PLEKHA1: variants seen among roughly 807,000 people sequenced by gnomAD.
PLEKHA1 encodes the protein pleckstrin homology domain containing A1.
A neutral mutation model predicts 52.0 loss-of-function variants in PLEKHA1; 34 were observed. The ratio of observed to expected loss-of-function variants is 0.65; its 90% confidence interval spans 0.50 to 0.87. The LOEUF is 0.87. Among genes scored for constraint, PLEKHA1 ranks in the 40% least tolerant of loss-of-function variants. PLEKHA1 has a pLI of 0.00. For missense variants in PLEKHA1, 497 were observed against 504.2 expected (o/e 0.99, Z 0.14); for synonymous variants, 163 against 170.7 (o/e 0.95, Z 0.35).
At chr10:122,416,047 G>C (rs201401419) in intron 7 of PLEKHA1, 45 bp downstream of exon 7, 1 of 1,535,222 alleles carries the variant, frequency 6.5e-7, no homozygotes, top group Non-Finnish European at 8.8e-7. Flanking sequence ...AAAGGATTAC[G>C]TTCTAGCAAA....
chr10:122,380,990 A>G lies in PLEKHA1; in HGVS notation c.-21+6184A>G, dbSNP rs541956040. ...CACTCCCAAGCATGTGACCTTGAGC[A>G]AGTGCCTTATTAGTTTTCTCATCTG... On this transcript the variant is annotated intron_variant, in intron 1 of 11. Transcript: ENST00000368990. Among the ~76,000 whole-genome samples the G allele has an allele frequency of 9.8e-5, 15 of 152,318 alleles. No individual in the cohort carries two copies. The East Asian group carries it at 2.9e-3, about 29-fold the overall frequency.
At chr10:122,381,859 A>G (rs142424532) in intron 1 of PLEKHA1, among the ~76,000 whole-genome samples, 4 of 152,304 alleles carry the variant, frequency 2.6e-5, no homozygotes, top group African/African-American at 4.8e-5. Context: ...AGCTTGTTAG[A>G]TAAGTGGAAC....
intron 4 of PLEKHA1, among the ~76,000 whole-genome samples, chr10:122,405,238 A>G (rs868131263): frequency 9.2e-5 from 14 of 152,284 alleles, no homozygotes; most frequent in South Asian, 4.1e-4. Context: ...GTCTAGAAAA[A>G]TAGATCTTAA....
At chr10:122,395,564 G>A (rs572907366) in intron 2 of PLEKHA1, among the ~76,000 whole-genome samples, 1 of 151,946 alleles carries the variant, frequency 6.6e-6, no homozygotes, top group Non-Finnish European at 1.5e-5. Flanking sequence ...ATATGAAATT[G>A]CTAATATACA....
the PLEKHA1 span, chr10:122,441,849 C>T: frequency 6.6e-6 from 1 of 152,162 alleles, no homozygotes; most frequent in Non-Finnish European, 1.5e-5. Flanking sequence ...CTAGAATAGC[C>T]TTTGTTGTTT....
At chr10:122,407,009 G>A (rs2097027042) in intron 5 of PLEKHA1, among the ~76,000 whole-genome samples, 2 of 152,198 alleles carry the variant, frequency 1.3e-5, no homozygotes, top group South Asian at 4.1e-4. Flanking sequence ...TAGTGTAAGA[G>A]ATTTCCTGTC....
intron 1 of PLEKHA1, among the ~76,000 whole-genome samples, chr10:122,381,792 A>G (rs1489121098): frequency 2.0e-5 from 3 of 152,340 alleles, no homozygotes; most frequent in Non-Finnish European, 4.4e-5. Context: ...GAGCTAGGGA[A>G]GGCTGGATCA....
At chr10:122,383,577 A>G (rs2096647219) in intron 1 of PLEKHA1, among the ~76,000 whole-genome samples, 2 of 151,348 alleles carry the variant, frequency 1.3e-5, no homozygotes, top group Non-Finnish European at 2.9e-5. Flanking sequence ...TCAGCCTCCC[A>G]AAGTGCTGGG....
intron 8 of PLEKHA1, chr10:122,418,428 C>G (rs746506959): frequency 1.3e-5 from 2 of 154,324 alleles, no homozygotes; most frequent in African/African-American, 4.8e-5. Flanking sequence ...GAATGTATAT[C>G]TGTATATATG....
chr10:122,418,275 G>C (rs544267365), intron 8 of PLEKHA1: 1 of 228,368 alleles, frequency 4.4e-6, no homozygotes, highest in African/African-American at 2.2e-5. Context: ...ACGTGGAGTA[G>C]GGAGAGAAGG....
chr10:122,412,798 A>G (rs1453872995), intron 5 of PLEKHA1, 122 bp from the exon 6 acceptor site: 2 of 1,052,466 alleles, frequency 1.9e-6, no homozygotes, highest in African/African-American at 1.6e-5. Context: ...TACATGGACT[A>G]TAATTTTTAT....
chr10:122,375,630 T>C (rs1343402227), intron 1 of PLEKHA1, among the ~76,000 whole-genome samples: 1 of 152,188 alleles, frequency 6.6e-6, no homozygotes, highest in African/African-American at 2.4e-5. Context: ...AGCGGTCCTG[T>C]TGCTTATAGT....
chr10:122,415,254 A>G (rs1456469139), intron 6 of PLEKHA1, among the ~76,000 whole-genome samples: 1 of 152,236 alleles, frequency 6.6e-6, no homozygotes, highest in Non-Finnish European at 1.5e-5. Flanking sequence ...TCAAAATGTC[A>G]AAATTATAGT....
chr10:122,410,884 G>T (rs1489367113), intron 5 of PLEKHA1, among the ~76,000 whole-genome samples: 1 of 152,038 alleles, frequency 6.6e-6, no homozygotes, highest in Non-Finnish European at 1.5e-5. Context: ...TTATCTAGTT[G>T]AATAGATTGT....
chr10:122,376,078 GA>G (rs2096530293), intron 1 of PLEKHA1, among the ~76,000 whole-genome samples: 1 of 152,138 alleles, frequency 6.6e-6, no homozygotes, highest in Non-Finnish European at 1.5e-5. Flanking sequence ...TGATGCCACT[GA>G]AACCATTTAC....
chr10:122,416,739 T>C (rs1217562444), intron 7 of PLEKHA1, among the ~76,000 whole-genome samples: 1 of 152,192 alleles, frequency 6.6e-6, no homozygotes, highest in Non-Finnish European at 1.5e-5. Flanking sequence ...TCTTTAGAAT[T>C]TCATGAGAAA....
intron 4 of PLEKHA1, 39 bp downstream of exon 4, chr10:122,400,427 A>G (rs1328830904): frequency 7.8e-6 from 12 of 1,534,094 alleles, no homozygotes; most frequent in Admixed American, 2.1e-5. Flanking sequence ...ATAGACTGAT[A>G]TAATTGTATC....
intron 1 of PLEKHA1, among the ~76,000 whole-genome samples, chr10:122,376,513 TA>T: frequency 3.1e-5 from 1 of 31,890 alleles, no homozygotes; most frequent in East Asian, 1.7e-3. Flanking sequence ...TATATATATA[TA>T]TATATATATA....
chr10:122,409,034 G>T (rs1055588798), intron 5 of PLEKHA1, among the ~76,000 whole-genome samples: 1 of 152,066 alleles, frequency 6.6e-6, no homozygotes, highest in Non-Finnish European at 1.5e-5. Flanking sequence ...ATGGGTAAGG[G>T]AATGATGATT....
Sources: allele counts gnomAD v4.1 joint callset (sites outside exome capture counted in the v4.1 genomes callset), GRCh38; gene constraint gnomAD v4.1.1; transcripts MANE v1.5; gene names NCBI Gene and HGNC (gene_info 2026-07-23, HGNC 2026-07-21).